CACNG5: variants seen among roughly 807,000 people sequenced by gnomAD.
The protein encoded by CACNG5 is calcium voltage-gated channel auxiliary subunit gamma 5.
CACNG5 carries 18 observed loss-of-function variants against 24.8 expected under a neutral mutation model. The observed-to-expected ratio is 0.73, with a 90% CI of 0.50 to 1.08. The LOEUF is 1.08. Ranked by LOEUF, CACNG5 falls within the 50% of genes least tolerant of loss-of-function variation. The pLI is 0.00. For missense variants in CACNG5, 349 were observed against 367.9 expected (o/e 0.95, Z 0.42); for synonymous variants, 157 against 149.1 (o/e 1.05, Z -0.39).
chr17:66,837,173 C>G (rs1457305694), intron 1 of CACNG5, among the ~76,000 whole-genome samples: 1 of 152,174 alleles, frequency 6.6e-6, no homozygotes, highest in Non-Finnish European at 1.5e-5. Context: ...GGTGTTGTGG[C>G]CTCTGCTTTC....
At chr17:66,840,256 A>G (rs1976548568) in intron 1 of CACNG5, among the ~76,000 whole-genome samples, 1 of 152,146 alleles carries the variant, frequency 6.6e-6, no homozygotes, top group Non-Finnish European at 1.5e-5. Flanking sequence ...TTGTGTATCT[A>G]TTCACCGAGC....
chr17:66,857,049 T>C (rs1278937781), intron 1 of CACNG5, among the ~76,000 whole-genome samples: 1 of 151,634 alleles, frequency 6.6e-6, no homozygotes, highest in Non-Finnish European at 1.5e-5. Context: ...AAACACATTT[T>C]TATTTCAATT....
Position 66,886,560 on chromosome 17 carries a change from A to C in CACNG5, c.*1320A>C, listed in dbSNP as rs1441635027. 6.6e-6 allele frequency among the ~76,000 whole-genome samples: 1 copy of C among 152,088 alleles called. No homozygotes were observed. The highest frequency in any genetic ancestry group is 1.5e-5 in the Non-Finnish European group (1 of 68,004). ...TAGCTTAGATGTTTTTGGTTTTGAG[A>C]TTTTGAGTAGCAAAGCAATGCTGTG... On this transcript the variant is annotated 3_prime_UTR_variant, in exon 6 of 6. Transcript: ENST00000533854.
rs1977268246 is a variant in CACNG5 at position 66,886,816 on chromosome 17, C to G, written c.*1576C>G. ...ATGAATTTTCCTACAGTTCTGGGTA[C>G]CGGAGTCCAAGATCACGGTGTTGGC... On this transcript the variant is annotated 3_prime_UTR_variant, in exon 6 of 6. Transcript: ENST00000533854. Among the ~76,000 whole-genome samples, 1 of 152,132 alleles carries G rather than the reference C, an allele frequency of 6.6e-6. No individual in the cohort carries two copies. Among genetic ancestry groups the G allele is most frequent in the African/African-American group, 2.4e-5 (1 of 41,434 alleles).
At chr17:66,847,472 C>CAGG (rs1400497843) in intron 1 of CACNG5, among the ~76,000 whole-genome samples, 2 of 152,130 alleles carry the variant, frequency 1.3e-5, no homozygotes, top group East Asian at 3.9e-4. Flanking sequence ...AGAGTGTGTG[C>CAGG]AGGGGAACTG....
At chr17:66,860,860 T>TTA (rs1976845285) in intron 1 of CACNG5, among the ~76,000 whole-genome samples, 1 of 151,628 alleles carries the variant, frequency 6.6e-6, no homozygotes, top group African/African-American at 2.4e-5. Context: ...TCTTGACATT[T>TTA]TTTTTTTTTT....
At chr17:66,879,111 A>T in intron 3 of CACNG5, 53 bp downstream of exon 3, 1 of 1,332,116 alleles carries the variant, frequency 7.5e-7, no homozygotes, top group Admixed American at 1.7e-5. Flanking sequence ...GAGAGGAGCA[A>T]GGCAGAGGGA....
At chr17:66,862,894 G>C (rs3848410) in intron 1 of CACNG5, among the ~76,000 whole-genome samples, 23,453 of 61,898 alleles carry the variant, frequency 0.38, 3,155 homozygotes, top group African/African-American at 0.5. Context: ...CATATTCTCT[G>C]TGTGTGTGTG....
intron 1 of CACNG5, among the ~76,000 whole-genome samples, chr17:66,836,875 G>A (rs1976487967): frequency 6.6e-6 from 1 of 152,268 alleles, no homozygotes; most frequent in African/African-American, 2.4e-5. Flanking sequence ...GCACACTTGA[G>A]GGAGCTCAGC....
At chr17:66,861,906 T>C (rs1976866042) in intron 1 of CACNG5, among the ~76,000 whole-genome samples, 1 of 152,242 alleles carries the variant, frequency 6.6e-6, no homozygotes, top group Non-Finnish European at 1.5e-5. Flanking sequence ...GAAGAAAGCA[T>C]GCAATCCTGC....
At chr17:66,881,369 A>T (rs978228982) in intron 4 of CACNG5, among the ~76,000 whole-genome samples, 20 of 152,170 alleles carry the variant, frequency 1.3e-4, no homozygotes, top group Admixed American at 1.2e-3. Flanking sequence ...ATGAATATTA[A>T]ACACAATCTG....
intron 4 of CACNG5, among the ~76,000 whole-genome samples, chr17:66,883,537 A>C (rs1408494870): frequency 6.6e-6 from 1 of 152,260 alleles, no homozygotes; most frequent in Non-Finnish European, 1.5e-5. Context: ...AATTACAGCT[A>C]CTAATTGATA....
Position 66,893,984 on chromosome 17 carries a change from G to A in CACNG5, c.*8744G>A, listed in dbSNP as rs1415451145. On this transcript the variant is annotated 3_prime_UTR_variant, in exon 6 of 6. Coordinates refer to ENST00000533854, the MANE Select transcript of CACNG5 (RefSeq NM_145811.3). ...TTCAGTGTTCCCCAGGGTTGCATGG[G>A]AATCCAATGGGGAGGGGATGGCAGT... is the stretch of plus-strand genomic sequence containing the variant. 6.6e-6 allele frequency among the ~76,000 whole-genome samples: 1 copy of A among 152,198 alleles called. No homozygotes were observed. The highest frequency in any genetic ancestry group is 1.5e-5 in the Non-Finnish European group (1 of 68,038).
chr17:66,863,380 G>C (rs1363297922), intron 1 of CACNG5, among the ~76,000 whole-genome samples: 1 of 150,972 alleles, frequency 6.6e-6, no homozygotes. Flanking sequence ...TGTTGTTGTT[G>C]TTTTCAGATG....
intron 1 of CACNG5, among the ~76,000 whole-genome samples, chr17:66,845,801 AG>A (rs1976632370): frequency 6.6e-6 from 1 of 152,190 alleles, no homozygotes; most frequent in African/African-American, 2.4e-5. Context: ...TATGTCCCCC[AG>A]TGCTAATCAC....
At chr17:66,836,441 T>G (rs1489721487) in intron 1 of CACNG5, among the ~76,000 whole-genome samples, 2 of 152,216 alleles carry the variant, frequency 1.3e-5, no homozygotes, top group African/African-American at 4.8e-5. Flanking sequence ...GTGTGGGACC[T>G]TGATTGGCTC....
chr17:66,859,307 C>A (rs1472315419), intron 1 of CACNG5, among the ~76,000 whole-genome samples: 2 of 152,060 alleles, frequency 1.3e-5, no homozygotes, highest in Non-Finnish European at 2.9e-5. Context: ...GTGTCTGGAC[C>A]CCCAGCAACC....
rs950787311 is a variant in CACNG5 at position 66,892,464 on chromosome 17, C to T, written c.*7224C>T. ...ATCCTTAGAAATGATCTCATAGTCTCGGGCTCTGACTATCAAGTTCAGGTC... is the reference window on the plus strand; with the variant it reads ...ATCCTTAGAAATGATCTCATAGTCTTGGGCTCTGACTATCAAGTTCAGGTC... On this transcript the variant is annotated 3_prime_UTR_variant, in exon 6 of 6. Transcript: ENST00000533854. Among the ~76,000 whole-genome samples the T allele has an allele frequency of 2.6e-5, 4 of 152,240 alleles. No individual in the cohort carries two copies. Among genetic ancestry groups the T allele is most frequent in the African/African-American group, 9.6e-5 (4 of 41,466 alleles).
chr17:66,840,185 A>G (rs114676416), intron 1 of CACNG5, among the ~76,000 whole-genome samples: 2,376 of 152,236 alleles, frequency 0.016, 72 homozygotes, highest in African/African-American at 0.053. Flanking sequence ...CGTGCCAGAG[A>G]GAAGCCAGAG....
Sources: allele counts gnomAD v4.1 joint callset (sites outside exome capture counted in the v4.1 genomes callset), GRCh38; gene constraint gnomAD v4.1.1; transcripts MANE v1.5; gene names NCBI Gene and HGNC (gene_info 2026-07-23, HGNC 2026-07-21).